KIF18A: variants seen among roughly 807,000 people sequenced by gnomAD.
KIF18A encodes kinesin-like protein KIF18A.
In KIF18A, 67 loss-of-function variants were observed where a neutral mutation model predicts 103.3. That is an observed-to-expected ratio of 0.65 (90% confidence interval 0.53 to 0.79). The LOEUF is 0.79. KIF18A is among the 30% of genes least tolerant of loss of function. KIF18A has a pLI of 0.00. For synonymous variants in KIF18A, 367 were observed against 355.5 expected, an observed-to-expected ratio of 1.03 and a Z score of -0.36; for missense variants, 1,032 against 1,062.5, an observed-to-expected ratio of 0.97 and a Z score of 0.40.
rs533432590 is a variant in KIF18A at position 28,039,842 on chromosome 11, G to A, written c.1949-3178C>T. 2.6e-5 allele frequency among the ~76,000 whole-genome samples: 4 copies of A among 151,752 alleles called. No individual in the cohort carries two copies. In the East Asian group the frequency reaches 7.8e-4, roughly 29 times the overall value. ...TACAATTGTTTTACTGGGCCTAGAA[G>A]AAGAGATGCTACAGACACACAACAT... On this transcript the variant is annotated intron_variant, in intron 13 of 16. Coordinates refer to ENST00000263181, the MANE Select transcript of KIF18A (RefSeq NM_031217.4).
chr11:28,023,502 TA>T (rs1479174895), intron 16 of KIF18A, among the ~76,000 whole-genome samples: 1 of 152,212 alleles, frequency 6.6e-6, no homozygotes, highest in Non-Finnish European at 1.5e-5. Flanking sequence ...AGTAGAGTTT[TA>T]AGATCTGGTT....
chr11:28,075,050 C>T (rs1342193272), intron 10 of KIF18A, among the ~76,000 whole-genome samples: 1 of 152,132 alleles, frequency 6.6e-6, no homozygotes, highest in East Asian at 1.9e-4. Context: ...GAATTTACAT[C>T]TTATTAGTCC....
At chr11:28,049,591 G>A (rs1214195515) in intron 13 of KIF18A, among the ~76,000 whole-genome samples, 1 of 151,974 alleles carries the variant, frequency 6.6e-6, no homozygotes, top group East Asian at 1.9e-4. Flanking sequence ...ATCTAATTGA[G>A]GTTTGGTACA....
rs117783365 is a variant in KIF18A, at chr11:28,049,684, A to G, written c.1948+9242T>C. ...GGAGAAATTCTGGGAAACTGTGCTA[A>G]ATCAAAATTAGTTGGCAAAGTTCTA... is the stretch of plus-strand genomic sequence containing the variant. On this transcript the variant is annotated intron_variant, in intron 13 of 16. Coordinates refer to ENST00000263181, the MANE Select transcript of KIF18A (RefSeq NM_031217.4). Among the ~76,000 whole-genome samples, 80 of 152,094 alleles carry G rather than the reference A, an allele frequency of 5.3e-4. 1 individual carries two copies. The East Asian group carries it at 0.015, about 28-fold the overall frequency.
At chr11:28,034,774 AGAGGCAGAG>A (rs1332668753) in intron 15 of KIF18A, among the ~76,000 whole-genome samples, 2 of 151,758 alleles carry the variant, frequency 1.3e-5, no homozygotes, top group Admixed American at 1.3e-4. Context: ...AATAAAAAAC[AGAGGCAGAG>A]AAAGTCTAGC....
At chr11:28,073,166 A>G (rs1306381877) in intron 10 of KIF18A, among the ~76,000 whole-genome samples, 1 of 152,130 alleles carries the variant, frequency 6.6e-6, no homozygotes, top group African/African-American at 2.4e-5. Context: ...GGTTCTGGCT[A>G]CTTTCAAATT....
chr11:28,077,044 T>A lies in KIF18A; in HGVS notation c.1388A>T (p.Gln463Leu). ...GTCTTCAGAACACATCATTTCTATT[T>A]GTTTATGGCACTGTTGTTGGTAGAA... ...KSFYQQQCHK[Q>L]IEMMCSEDKV... Residue 463 changes from glutamine to leucine, a missense_variant, in exon 10 of 17, where the codon CAA becomes CTA. Gln to Leu is a moderately radical substitution (Grantham distance 113, BLOSUM62 -2). Transcript: ENST00000263181. 1 of 1,565,130 alleles carries A rather than the reference T, an allele frequency of 6.4e-7. No individual in the cohort carries two copies.
At position 28,021,176 on chromosome 11, in the gene KIF18A, C is replaced by G. The variant is rs764631708; in HGVS notation, c.*24G>C. ...TTTGAAAAGCAGATTTGATCAACTT[C>G]ATTTTGCTTGGTTTTGAAGTGATTT... On this transcript the variant is annotated 3_prime_UTR_variant, in exon 17 of 17. Transcript: ENST00000263181. 7.5e-6 allele frequency: 11 copies of G among 1,472,656 alleles called. No individual in the cohort carries two copies. The highest frequency in any genetic ancestry group is 8.1e-6 in the Non-Finnish European group (9 of 1,109,148). The allele number at this position is 1,472,656 out of a possible 1,614,324, so 91.2% of individuals were successfully genotyped here. A position where few individuals can be genotyped will look rare whatever the true frequency, so the allele number is the denominator to read the frequency against.
chr11:28,047,252 G>A (rs116036252), intron 13 of KIF18A, among the ~76,000 whole-genome samples: 2 of 151,878 alleles, frequency 1.3e-5, no homozygotes, highest in African/African-American at 2.4e-5. Context: ...CAAATAATTT[G>A]AAACCAAATG....
chr11:28,059,563 C>T (rs1049728820), intron 12 of KIF18A, among the ~76,000 whole-genome samples: 2 of 152,114 alleles, frequency 1.3e-5, no homozygotes, highest in East Asian at 1.9e-4. Flanking sequence ...TCCCAAGTTG[C>T]TGGGACCACA....
intron 1 of KIF18A, among the ~76,000 whole-genome samples, chr11:28,103,073 C>T (rs1304141430): frequency 6.6e-6 from 1 of 152,024 alleles, no homozygotes; most frequent in Non-Finnish European, 1.5e-5. Flanking sequence ...CCTATCTACC[C>T]CTAAGTGGTA....
In KIF18A at chr11:28,084,734, A is replaced by G; in HGVS notation, c.972T>C (p.Cys324=). ...RLLKDSLGGN[C]QTIMIAAVSP... is the part of the protein sequence containing the mutation. ...TAACAGCAGCTATCATTATAGTTTG[A>G]CAGTTTCCTCCAAGAGAATCCTTTA... Residue 324 remains cysteine (C), a synonymous_variant, in exon 7 of 17, where the codon TGT becomes TGC. Coordinates refer to ENST00000263181, the MANE Select transcript of KIF18A (RefSeq NM_031217.4). 6.2e-7 allele frequency: 1 copy of G among 1,612,140 alleles called. No homozygotes were observed. The highest frequency in any genetic ancestry group is 8.5e-7 in the Non-Finnish European group (1 of 1,178,240).
chr11:28,090,524 A>AT (rs1043515688), intron 5 of KIF18A, 93 bp downstream of exon 5: 5 of 761,860 alleles, frequency 6.6e-6, no homozygotes, highest in East Asian at 2.6e-5. Flanking sequence ...CTACAGACAG[A>AT]TTTTTTTCAC....
At chr11:28,067,827 T>C (rs1327676390) in intron 11 of KIF18A, among the ~76,000 whole-genome samples, 2 of 152,282 alleles carry the variant, frequency 1.3e-5, no homozygotes, top group East Asian at 1.9e-4. Context: ...GGGTGAAAAT[T>C]AGTTATTTCA....
At chr11:28,043,047 G>A (rs1307089639) in intron 13 of KIF18A, among the ~76,000 whole-genome samples, 6 of 151,890 alleles carry the variant, frequency 4.0e-5, no homozygotes, top group African/African-American at 1.5e-4. Flanking sequence ...GGATGATGGG[G>A]TAAGGTGGGA....
intron 10 of KIF18A, among the ~76,000 whole-genome samples, chr11:28,076,019 A>AT (rs1001908168): frequency 1.5e-4 from 22 of 149,806 alleles, no homozygotes; most frequent in South Asian, 4.2e-4. Context: ...GTTGGCAAGA[A>AT]TTTTTTTTTT....
At chr11:28,088,233 C>G (rs954375808) in intron 6 of KIF18A, among the ~76,000 whole-genome samples, 4 of 151,946 alleles carry the variant, frequency 2.6e-5, no homozygotes, top group African/African-American at 9.7e-5. Flanking sequence ...ACTTTAAAAA[C>G]CAAGTTCAAA....
intron 1 of KIF18A, among the ~76,000 whole-genome samples, chr11:28,100,943 T>C (rs1238580829): frequency 2.0e-5 from 3 of 152,110 alleles, no homozygotes; most frequent in Non-Finnish European, 2.9e-5. Context: ...TCTATTTGTA[T>C]AAAAGAGATA....
At chr11:28,094,935 AT>A in intron 2 of KIF18A, 135 bp from the exon 3 acceptor site, 1 of 797,974 alleles carries the variant, frequency 1.3e-6, no homozygotes, top group Non-Finnish European at 2.1e-6. Flanking sequence ...TTATAGTCTT[AT>A]CCTTAAAACC....
Sources: gnomAD v4.1 joint callset for allele counts (sites outside exome capture counted in the v4.1 genomes callset) on GRCh38, gnomAD v4.1.1 for gene constraint, MANE v1.5 for transcripts, NCBI Gene and HGNC (gene_info 2026-07-23, HGNC 2026-07-21) for gene names.